The following NCKAP1L variants were observed in gnomAD, a reference collection of about 807,000 sequenced individuals.
The protein encoded by NCKAP1L is NCK associated protein 1 like.
Under a neutral mutation model 139.2 loss-of-function variants are expected in NCKAP1L, and 53 were observed. The observed-to-expected ratio is 0.38, with a 90% CI of 0.31 to 0.48. The LOEUF is 0.48. Among genes scored for constraint, NCKAP1L ranks in the 20% least tolerant of loss-of-function variants. NCKAP1L has a pLI of 0.98. For missense variants in NCKAP1L, 1,151 were observed against 1,381.9 expected, an observed-to-expected ratio of 0.83 and a Z score of 2.65; for synonymous variants, 468 against 499.7, an observed-to-expected ratio of 0.94 and a Z score of 0.85.
intron 26 of NCKAP1L, among the ~76,000 whole-genome samples, chr12:54,532,511 T>C (rs1282970045): frequency 6.6e-6 from 1 of 152,076 alleles, no homozygotes; most frequent in Non-Finnish European, 1.5e-5. Context: ...GGGTAAGACC[T>C]AGGATAGTAT....
rs1268370525 is a variant in NCKAP1L at position 54,517,611 on chromosome 12, A to C, written c.1174A>C (p.Lys392Gln). The C allele has an allele frequency of 1.2e-6, 2 of 1,613,784 alleles. No individual in the cohort carries two copies. Among genetic ancestry groups the C allele is most frequent in the African/African-American group, 2.7e-5 (2 of 74,902 alleles). Residue 392 changes from lysine to glutamine, a missense_variant, in exon 12 of 31, where the codon AAG (lysine) becomes CAG (glutamine). By Grantham distance (53) the Lys-to-Gln change is moderately conservative. Coordinates refer to ENST00000293373, the MANE Select transcript of NCKAP1L (RefSeq NM_005337.5). ...GGTTCGCCACACAGAGAATGTCACC[A>C]AGACAAAGACACCTGAGGACTATGC... ...WLVRHTENVT[K>Q]TKTPEDYADS...
intron 5 of NCKAP1L, 52 bp from the exon 6 acceptor site, chr12:54,509,617 T>G: frequency 7.8e-7 from 1 of 1,287,118 alleles, no homozygotes; most frequent in Non-Finnish European, 1.1e-6. Flanking sequence ...ACATAAGAGT[T>G]CAAGTCATGG....
Position 54,519,169 on chromosome 12 carries a change from T to A in NCKAP1L, c.1480-18T>A, listed in dbSNP as rs769920476. On this transcript the variant is annotated intron_variant, in intron 15 of 30. Transcript: ENST00000293373. ...ATTCATCTTATTTTTCTCCACACTTTCCCAACTCCAACCGCAGGCATACAC... is the reference window on the plus strand; with the variant it reads ...ATTCATCTTATTTTTCTCCACACTTACCCAACTCCAACCGCAGGCATACAC... 1.5e-5 allele frequency: 24 copies of A among 1,554,112 alleles called. No homozygotes were observed. Among genetic ancestry groups the A allele is most frequent in the Middle Eastern group, 1.7e-4 (1 of 5,762 alleles).
In NCKAP1L at chr12:54,537,017, C is replaced by T; in HGVS notation, c.3147C>T (p.Asn1049=). 6.2e-7 allele frequency: 1 copy of T among 1,613,430 alleles called. No homozygotes were observed. The highest frequency in any genetic ancestry group is 1.3e-5 in the African/African-American group (1 of 75,034). ...QVSAALFTLY[N]KNIETHLKEF... is the part of the protein sequence containing the mutation. Reference sequence around the variant, plus strand: ...CTGCTGCCCTCTTCACGCTCTACAACAAGAACATTGAAACTCACCTCAAGG... The same window carrying T: ...CTGCTGCCCTCTTCACGCTCTACAATAAGAACATTGAAACTCACCTCAAGG... Residue 1049 remains asparagine (N), a synonymous_variant, in exon 29 of 31, where the codon AAC becomes AAT. Transcript: ENST00000293373.
chr12:54,528,347 T>G lies in NCKAP1L; in HGVS notation c.2476T>G (p.Phe826Val), dbSNP rs1217137467. 3.1e-6 allele frequency: 5 copies of G among 1,614,012 alleles called. No individual in the cohort carries two copies. The highest frequency in any genetic ancestry group is 4.2e-6 in the Non-Finnish European group (5 of 1,179,964). The change falls in exon 22 of 31, where the codon TTC becomes GTC. Residue 826 changes from phenylalanine to valine, a missense_variant. Phe to Val is a conservative substitution (Grantham distance 50). Transcript: ENST00000293373. ...VSLPREGEQN[F>V]SAEEFSDISE... is the part of the protein sequence containing the mutation. The stretch of plus-strand genomic sequence containing the variant: ...CCTGCCCAGAGAAGGGGAGCAGAAC[T>G]TCAGTGCAGAGGAGTTCTCTGACAT...
rs753370536 is a variant in NCKAP1L at position 54,531,588 on chromosome 12, A to C, written c.2698+4A>C. Reference sequence around the variant, plus strand: ...TCCCTGCTGCCCCAGCTGACAGGTAAGCATCCTCTTCCCCTATAGTGAGAA... The same window carrying C: ...TCCCTGCTGCCCCAGCTGACAGGTACGCATCCTCTTCCCCTATAGTGAGAA... On this transcript the variant is annotated splice_donor_region_variant and intron_variant, in intron 24 of 30. Coordinates refer to ENST00000293373, the MANE Select transcript of NCKAP1L (RefSeq NM_005337.5). 9.9e-6 allele frequency: 16 copies of C among 1,613,990 alleles called. No homozygotes were observed. The highest frequency in any genetic ancestry group is 1.4e-5 in the Non-Finnish European group (16 of 1,179,950).
In NCKAP1L at chr12:54,532,243, A is replaced by C. The variant is rs754313211; in HGVS notation, c.2855A>C (p.Asp952Ala). The C allele has an allele frequency of 6.2e-7, 1 of 1,612,972 alleles. No homozygotes were observed. Among genetic ancestry groups the C allele is most frequent in the South Asian group, 1.1e-5 (1 of 90,950 alleles). The change falls in exon 26 of 31, where the codon GAC becomes GCC. Residue 952 changes from aspartate to alanine, a missense_variant. Transcript: ENST00000293373. ...CLKEFVTPDT[D>A]IKVTLSIFEL... The stretch of plus-strand genomic sequence containing the variant: ...AAGGAGTTTGTCACTCCAGACACAG[A>C]CATCAAGGTATGGAGGAGTGCAAAG...
chr12:54,519,136 C>A (rs1196746120), intron 15 of NCKAP1L, 51 bp from the exon 16 acceptor site: 4 of 1,556,082 alleles, frequency 2.6e-6, no homozygotes, highest in Non-Finnish European at 3.5e-6. Flanking sequence ...AGGCTGGGGG[C>A]CTTTTTCATT....
chr12:54,501,573 C>T (rs903999924), intron 3 of NCKAP1L, among the ~76,000 whole-genome samples: 6 of 151,746 alleles, frequency 4.0e-5, no homozygotes, highest in African/African-American at 1.5e-4. Flanking sequence ...GGTGCAATCA[C>T]AGCTCACTGC....
rs574747882 is a variant in NCKAP1L at position 54,523,736 on chromosome 12, C to T, written c.2025-89C>T. The stretch of plus-strand genomic sequence containing the variant: ...GTGTACTCTTCTAGGCTGAGTATCC[C>T]TAGAAACTGGGTCATGGGCCCAACA... On this transcript the variant is annotated intron_variant, in intron 19 of 30. Transcript: ENST00000293373. 51 of 1,524,432 alleles carry T rather than the reference C, an allele frequency of 3.3e-5. No individual in the cohort carries two copies. The South Asian group carries it at 5.7e-4, about 17-fold the overall frequency. The allele number at this position is 1,524,432 out of a possible 1,614,324, so 94.4% of individuals were successfully genotyped here.
At chr12:54,529,776 G>T (rs1474707859) in intron 22 of NCKAP1L, among the ~76,000 whole-genome samples, 1 of 152,154 alleles carries the variant, frequency 6.6e-6, no homozygotes, top group African/African-American at 2.4e-5. Context: ...TCCCTTGGTT[G>T]CCATAGTGAT....
At position 54,526,659 on chromosome 12, in the gene NCKAP1L, C is replaced by G; in HGVS notation, c.2288C>G (p.Ser763Cys). 1.2e-6 allele frequency: 2 copies of G among 1,614,122 alleles called. No individual in the cohort carries two copies. Among genetic ancestry groups the G allele is most frequent in the Non-Finnish European group, 1.7e-6 (2 of 1,180,018 alleles). Residue 763 changes from serine (S) to cysteine (C), a missense_variant, in exon 21 of 31, where the codon TCC (serine) becomes TGC (cysteine). By Grantham distance (112) the Ser-to-Cys change is moderately radical (BLOSUM62 -1). Coordinates refer to ENST00000293373, the MANE Select transcript of NCKAP1L (RefSeq NM_005337.5). ...SLAQFLGADA[S>C]RVIRNALLQQ... ...GCCCAGTTTTTGGGTGCAGATGCTT[C>G]CAGAGTCATCCGCAACGCCCTCCTG...
In NCKAP1L at chr12:54,543,721, C is replaced by T. The variant is rs749443004; in HGVS notation, c.*1036C>T. On this transcript the variant is annotated 3_prime_UTR_variant, in exon 31 of 31. Coordinates refer to ENST00000293373, the MANE Select transcript of NCKAP1L (RefSeq NM_005337.5). The stretch of plus-strand genomic sequence containing the variant: ...TTTCTGCGCTAATTAGAATTTCAAG[C>T]GTCACAGAGCCTGGGGGCTTTCAAG... 1.3e-5 allele frequency: 2 copies of T among 152,134 alleles called. No individual in the cohort carries two copies. The highest frequency in any genetic ancestry group is 2.4e-5 in the African/African-American group (1 of 41,428). 9.4% of individuals were successfully genotyped at this position (152,134 alleles called of 1,614,324 possible). A position where few individuals can be genotyped will look rare whatever the true frequency, so the allele number is the denominator to read the frequency against.
chr12:54,542,144 C>T (rs889230046), intron 30 of NCKAP1L, among the ~76,000 whole-genome samples: 1 of 152,136 alleles, frequency 6.6e-6, no homozygotes, highest in African/African-American at 2.4e-5. Context: ...CACAAGAGGA[C>T]CCATGTGGAT....
At position 54,520,676 on chromosome 12, in the gene NCKAP1L, C is replaced by T. The variant is rs768703806; in HGVS notation, c.1626-18C>T. 2.5e-6 allele frequency: 4 copies of T among 1,613,980 alleles called. No homozygotes were observed. The highest frequency in any genetic ancestry group is 3.4e-6 in the Non-Finnish European group (4 of 1,179,894). On this transcript the variant is annotated intron_variant, in intron 16 of 30. Transcript: ENST00000293373. Reference sequence around the variant, plus strand: ...TAAGGACTAAATCTTGATTTAAAGTCTTCCCGTTTCTCTGCAGCTTTCATC... The same window carrying T: ...TAAGGACTAAATCTTGATTTAAAGTTTTCCCGTTTCTCTGCAGCTTTCATC...
Position 54,538,901 on chromosome 12 carries a change from C to A in NCKAP1L, c.3201C>A (p.Leu1067=), listed in dbSNP as rs1277486354. ...KEFLVVASVS[L]LQLGQETDKL... ...CCTTACAGGTGGCCTCTGTCAGCCT[C>A]TTGCAGCTGGGCCAGGAGACTGACA... Residue 1067 remains leucine, a synonymous_variant, in exon 30 of 31, where the codon CTC becomes CTA. Transcript: ENST00000293373. 2.5e-6 allele frequency: 4 copies of A among 1,613,944 alleles called. No homozygotes were observed. The African/African-American group carries it at 5.3e-5, about 22-fold the overall frequency.
intron 27 of NCKAP1L, among the ~76,000 whole-genome samples, chr12:54,535,413 T>C (rs1957107143): frequency 6.6e-6 from 1 of 152,220 alleles, no homozygotes; most frequent in Admixed American, 6.5e-5. Context: ...ATCCTCAGGT[T>C]CCAACTAGTT....
chr12:54,536,855 C>A, intron 28 of NCKAP1L, 89 bp from the exon 29 acceptor site: 1 of 841,530 alleles, frequency 1.2e-6, no homozygotes, highest in Non-Finnish European at 1.9e-6. Context: ...AGCCTGAAAA[C>A]ATGAGAAATT....
chr12:54,506,785 T>TA (rs1291340610), intron 3 of NCKAP1L, among the ~76,000 whole-genome samples: 1,304 of 60,328 alleles, frequency 0.022, 46 homozygotes, highest in Middle Eastern at 0.047. Context: ...GGCAACATAT[T>TA]AAAAAAAAAA....
Sources: gnomAD v4.1 joint callset for allele counts (sites outside exome capture counted in the v4.1 genomes callset) on GRCh38, gnomAD v4.1.1 for gene constraint, MANE v1.5 for transcripts, NCBI Gene and HGNC (gene_info 2026-07-23, HGNC 2026-07-21) for gene names.